Variants in CSMD1 observed in about 807,000 individuals in gnomAD.
CSMD1 encodes the protein CUB and sushi domain-containing protein 1.
Under a neutral mutation model 417.5 loss-of-function variants are expected in CSMD1, and 213 were observed. The ratio of observed to expected loss-of-function variants is 0.51; its 90% CI spans 0.46 to 0.57. The LOEUF (loss-of-function observed/expected upper bound fraction) is 0.57, where lower values mean the gene tolerates loss of function less well. Among genes scored for constraint, CSMD1 ranks in the 20% least tolerant of loss-of-function variants. CSMD1 has a pLI of 0.00. For missense variants in CSMD1, 6,923 were observed against 4,529.7 expected (o/e 1.53, Z -15.17); for synonymous variants, 2,862 against 1,736.8 (o/e 1.65, Z -16.11).
chr8:4,473,234 G>C (rs997128806), intron 2 of CSMD1, among the ~76,000 whole-genome samples: 1 of 152,116 alleles, frequency 6.6e-6, no homozygotes, highest in Non-Finnish European at 1.5e-5. Context: ...TAAATTTTAA[G>C]CCATTTTGTA....
At chr8:3,834,441 G>A (rs1802555401) in intron 5 of CSMD1, among the ~76,000 whole-genome samples, 1 of 152,144 alleles carries the variant, frequency 6.6e-6, no homozygotes, top group African/African-American at 2.4e-5. Context: ...CAGACTCACT[G>A]GGCTTCCCCG....
At chr8:3,090,543 A>G (rs899643748) in intron 48 of CSMD1, among the ~76,000 whole-genome samples, 1 of 152,138 alleles carries the variant, frequency 6.6e-6, no homozygotes, top group Non-Finnish European at 1.5e-5. Context: ...TCTACCAACC[A>G]GAGTGAGCTA....
chr8:4,471,833 G>T (rs533002804), intron 2 of CSMD1, among the ~76,000 whole-genome samples: 4 of 152,216 alleles, frequency 2.6e-5, no homozygotes, highest in Non-Finnish European at 5.9e-5. Context: ...TAATGACTAC[G>T]CTGCAAGGAA....
intron 3 of CSMD1, among the ~76,000 whole-genome samples, chr8:4,097,450 TA>T (rs1801074175): frequency 6.6e-6 from 1 of 152,200 alleles, no homozygotes; most frequent in African/African-American, 2.4e-5. Context: ...CATCTTTCAT[TA>T]AAGGGGGTTG....
At chr8:3,882,284 A>G (rs1806258898) in intron 5 of CSMD1, among the ~76,000 whole-genome samples, 1 of 152,218 alleles carries the variant, frequency 6.6e-6, no homozygotes, top group Admixed American at 6.5e-5. Context: ...CATCAATCCA[A>G]TAAACACACA....
chr8:3,083,920 C>G (rs1471809460), intron 49 of CSMD1, among the ~76,000 whole-genome samples: 1 of 151,808 alleles, frequency 6.6e-6, no homozygotes, highest in Non-Finnish European at 1.5e-5. Context: ...ACCTTGGCCT[C>G]CCAAAGATGC....
At chr8:3,940,467 G>T (rs895511551) in intron 5 of CSMD1, among the ~76,000 whole-genome samples, 3 of 151,014 alleles carry the variant, frequency 2.0e-5, no homozygotes, top group Admixed American at 6.6e-5. Context: ...AAATAATTCA[G>T]TATATTCAGT....
At chr8:4,755,208 T>C (rs1428716899) in intron 1 of CSMD1, among the ~76,000 whole-genome samples, 1 of 152,218 alleles carries the variant, frequency 6.6e-6, no homozygotes, top group Non-Finnish European at 1.5e-5. Context: ...AAAAATCTCA[T>C]GTCCACGCAG....
intron 3 of CSMD1, among the ~76,000 whole-genome samples, chr8:4,262,771 A>G (rs1374084005): frequency 2.0e-5 from 3 of 152,170 alleles, no homozygotes; most frequent in Non-Finnish European, 4.4e-5. Flanking sequence ...AAACTCAGCT[A>G]TGGAGAGGAA....
At chr8:3,972,911 C>T (rs1280436410) in intron 5 of CSMD1, among the ~76,000 whole-genome samples, 1 of 151,968 alleles carries the variant, frequency 6.6e-6, no homozygotes, top group African/African-American at 2.4e-5. Context: ...GGAAAACAAC[C>T]TAAATGGGCA....
intron 54 of CSMD1, among the ~76,000 whole-genome samples, chr8:2,986,135 TAC>T (rs1805887351): frequency 6.6e-6 from 1 of 152,174 alleles, no homozygotes. Flanking sequence ...ATAAAAGAAA[TAC>T]GTTATAATTT....
At chr8:4,601,167 C>T (rs1472057523) in intron 2 of CSMD1, among the ~76,000 whole-genome samples, 3 of 152,114 alleles carry the variant, frequency 2.0e-5, no homozygotes, top group African/African-American at 7.2e-5. Context: ...GTTGGTCAGG[C>T]TGGTCTCGAA....
chr8:4,182,040 GTGTC>G (rs199525015), intron 3 of CSMD1, among the ~76,000 whole-genome samples: 54,307 of 149,086 alleles, frequency 0.36, 10,650 homozygotes, highest in Non-Finnish European at 0.44. Context: ...GTGTGTGTGT[GTGTC>G]GGTGTGTGTG....
Position 4,148,409 on chromosome 8 carries a change from C to T in CSMD1, c.416-116310G>A, listed in dbSNP as rs144072143. Among the ~76,000 whole-genome samples the T allele has an allele frequency of 4.3e-4, 66 of 151,840 alleles. 1 individual carries two copies. In the East Asian group the frequency reaches 0.01, roughly 23 times the overall value. ...CGGAGGAATAGCATTAGGAGATATACCTAATGTTAAATGATGAGTTAATTC... is the reference window on the plus strand; with the variant it reads ...CGGAGGAATAGCATTAGGAGATATATCTAATGTTAAATGATGAGTTAATTC... On this transcript the variant is annotated intron_variant, in intron 3 of 69. Transcript: ENST00000635120.
chr8:3,486,781 C>A (rs1425160262), intron 11 of CSMD1, among the ~76,000 whole-genome samples: 2 of 152,214 alleles, frequency 1.3e-5, no homozygotes, highest in African/African-American at 4.8e-5. Context: ...GCTGGCTTTC[C>A]CAGATAGCTC....
At position 3,677,234 on chromosome 8, in the gene CSMD1, G is replaced by T. The variant is rs1799424121; in HGVS notation, c.1009+31180C>A. Among the ~76,000 whole-genome samples the T allele has an allele frequency of 2.0e-5, 3 of 152,252 alleles. No homozygotes were observed. In the South Asian group the frequency reaches 6.2e-4, roughly 32 times the overall value. On this transcript the variant is annotated intron_variant, in intron 7 of 69. Transcript: ENST00000635120. ...CACACAAGGAAAACACCGCTTAAAA[G>T]TCCAAGATTAATAGCATGCATCGAA...
chr8:4,380,541 A>G (rs1032726969), intron 3 of CSMD1, among the ~76,000 whole-genome samples: 1 of 152,220 alleles, frequency 6.6e-6, no homozygotes, highest in Non-Finnish European at 1.5e-5. Context: ...CGTGACGACT[A>G]AATGCCACAT....
intron 3 of CSMD1, among the ~76,000 whole-genome samples, chr8:4,389,901 G>C (rs182127843): frequency 3.6e-4 from 55 of 152,186 alleles, no homozygotes; most frequent in African/African-American, 1.3e-3. Flanking sequence ...GTTGTTTCCA[G>C]TTTTCCACTG....
At chr8:3,106,391 C>A in intron 46 of CSMD1, 137 bp downstream of exon 46, 1 of 575,522 alleles carries the variant, frequency 1.7e-6, no homozygotes, top group Non-Finnish European at 3.0e-6. Flanking sequence ...GAGTAAGACC[C>A]TATCTCCAAG....
Sources: gnomAD v4.1 joint callset for allele counts (sites outside exome capture counted in the v4.1 genomes callset) on GRCh38, gnomAD v4.1.1 for gene constraint, MANE v1.5 for transcripts, NCBI Gene and HGNC (gene_info 2026-07-23, HGNC 2026-07-21) for gene names.